The following ARFGEF3 variants were observed in gnomAD, a reference collection of about 807,000 sequenced individuals.
ARFGEF3 encodes brefeldin A-inhibited guanine nucleotide-exchange protein 3.
A neutral mutation model predicts 221.7 loss-of-function variants in ARFGEF3; 96 were observed. The ratio of observed to expected loss-of-function variants is 0.43; its 90% CI spans 0.37 to 0.51. The LOEUF (loss-of-function observed/expected upper bound fraction) is 0.51, where lower values mean the gene tolerates loss of function less well. ARFGEF3 is among the 20% of genes least tolerant of loss of function. The pLI, the probability that ARFGEF3 is intolerant of heterozygous loss-of-function variation, is 0.00. For synonymous variants in ARFGEF3, 1,145 were observed against 1,126.8 expected, an observed-to-expected ratio of 1.02 and a Z score of -0.32; for missense variants, 2,410 against 2,789.9, an observed-to-expected ratio of 0.86 and a Z score of 3.07.
At chr6:138,195,154 C>T (rs540073726) in intron 2 of ARFGEF3, among the ~76,000 whole-genome samples, 23 of 151,668 alleles carry the variant, frequency 1.5e-4, no homozygotes, top group African/African-American at 5.6e-4. Flanking sequence ...AGGTGCACAC[C>T]ACCACATGCA....
chr6:138,166,109 A>C (rs139964096), intron 1 of ARFGEF3, among the ~76,000 whole-genome samples: 4 of 152,352 alleles, frequency 2.6e-5, no homozygotes, highest in African/African-American at 7.2e-5. Context: ...ACATGTCAGC[A>C]GAGTAGTGAG....
At chr6:138,261,732 A>G in intron 11 of ARFGEF3, 93 bp downstream of exon 11, 1 of 567,154 alleles carries the variant, frequency 1.8e-6, no homozygotes, top group Non-Finnish European at 2.9e-6. Context: ...AAAAAATTCT[A>G]CATTATATGA....
At chr6:138,192,950 A>G (rs1777337268) in intron 2 of ARFGEF3, among the ~76,000 whole-genome samples, 1 of 152,104 alleles carries the variant, frequency 6.6e-6, no homozygotes, top group African/African-American at 2.4e-5. Flanking sequence ...TCCATTTGCT[A>G]CATTGTAGCC....
Position 138,291,988 on chromosome 6 carries a change from CG to C in ARFGEF3, c.3306del (p.Ser1103AlafsTer3). On this transcript the variant is annotated frameshift_variant, in exon 19 of 34. Transcript: ENST00000251691. LOFTEE classifies it high-confidence loss of function. This position sits in a 1 kb window ranked among gnomAD's most constrained non-coding sequence, Gnocchi z 4.5. The part of the protein sequence containing the change: ...SRGRASDFRG[G>X]SLMSGSSAAK... ...GGGGTCGGGCCTCCGACTTCCGCGGCGGGAGCCTCATGAGCGGGAGCAGCGC... is the reference window on the plus strand; with the variant it reads ...GGGGTCGGGCCTCCGACTTCCGCGGCGGAGCCTCATGAGCGGGAGCAGCGC... 6.5e-7 allele frequency: 1 copy of C among 1,538,232 alleles called. No homozygotes were observed.
In ARFGEF3 at chr6:138,241,337, C is replaced by T. The variant is rs114614435; in HGVS notation, c.544-1615C>T. Reference sequence around the variant, plus strand: ...GAGATATCTGCATAATTGATTCTTCCGTTACTCCCATTTTTTTCTTCAAAC... The same window carrying T: ...GAGATATCTGCATAATTGATTCTTCTGTTACTCCCATTTTTTTCTTCAAAC... On this transcript the variant is annotated intron_variant, in intron 6 of 33. Transcript: ENST00000251691. Among the ~76,000 whole-genome samples the T allele has an allele frequency of 6.6e-3, 1,012 of 152,262 alleles. 12 individuals carry two copies. Among genetic ancestry groups the T allele is most frequent in the African/African-American group, 0.023 (954 of 41,542 alleles).
At chr6:138,336,257 G>T in intron 33 of ARFGEF3, 38 bp from the exon 34 acceptor site, 2 of 1,452,306 alleles carry the variant, frequency 1.4e-6, no homozygotes, top group South Asian at 1.5e-5. Context: ...TAAAACCAGG[G>T]GGGAAAGCCA....
intron 12 of ARFGEF3, among the ~76,000 whole-genome samples, chr6:138,277,353 G>T (rs1290027831): frequency 6.6e-6 from 1 of 152,134 alleles, no homozygotes; most frequent in Non-Finnish European, 1.5e-5. Context: ...ACCACAATTT[G>T]CTTATCCATT....
chr6:138,296,968 A>G lies in ARFGEF3; in HGVS notation c.3648+13A>G. On this transcript the variant is annotated intron_variant, in intron 21 of 33. Coordinates refer to ENST00000251691, the MANE Select transcript of ARFGEF3 (RefSeq NM_020340.5). ...ACACCTGGTGGAGGTGAGCACTGGG[A>G]AGGTGGGAAGAGGCTGGAACTGCTA... The G allele has an allele frequency of 6.2e-7, 1 of 1,606,588 alleles. No individual in the cohort carries two copies. Among genetic ancestry groups the G allele is most frequent in the Non-Finnish European group, 8.5e-7 (1 of 1,177,176 alleles).
chr6:138,210,000 A>T lies in ARFGEF3; in HGVS notation c.310A>T (p.Thr104Ser). 6.2e-7 allele frequency: 1 copy of T among 1,613,854 alleles called. No homozygotes were observed. The highest frequency in any genetic ancestry group is 8.5e-7 in the Non-Finnish European group (1 of 1,179,800). The change falls in exon 4 of 34, where the codon ACG (threonine) becomes TCG (serine). Residue 104 changes from threonine to serine, a missense_variant. Physicochemically the swap from Thr to Ser is moderately conservative, Grantham distance 58. This residue lies in a region of ARFGEF3 where 570 missense variants were observed against 586.9 expected (regional missense o/e 0.97). Coordinates refer to ENST00000251691, the MANE Select transcript of ARFGEF3 (RefSeq NM_020340.5). ...LNQILNAVKV[T>S]PSLNEDLQVE... ...TCAGATACTGAATGCCGTGAAAGTG[A>T]CGCCTTCGCTCAACGAGGACCTGCA...
intron 2 of ARFGEF3, among the ~76,000 whole-genome samples, chr6:138,188,580 C>T (rs1228263093): frequency 1.3e-5 from 2 of 152,240 alleles, no homozygotes; most frequent in African/African-American, 4.8e-5. Flanking sequence ...TGCAGTAAAG[C>T]AGCCAATTGC....
At chr6:138,281,454 C>G (rs939851959) in intron 14 of ARFGEF3, among the ~76,000 whole-genome samples, 1 of 152,206 alleles carries the variant, frequency 6.6e-6, no homozygotes, top group Non-Finnish European at 1.5e-5. Flanking sequence ...GTTTTCAACC[C>G]TTTACCTTCC....
At chr6:138,243,999 AC>A (rs1778440040) in intron 7 of ARFGEF3, among the ~76,000 whole-genome samples, 1 of 152,108 alleles carries the variant, frequency 6.6e-6, no homozygotes, top group Non-Finnish European at 1.5e-5. Flanking sequence ...TAAAGGCTTC[AC>A]TTTAATGTAG....
intron 10 of ARFGEF3, among the ~76,000 whole-genome samples, chr6:138,256,345 A>G (rs375926211): frequency 6.6e-6 from 1 of 152,198 alleles, no homozygotes; most frequent in Non-Finnish European, 1.5e-5. Flanking sequence ...GGTGCTTCAA[A>G]CAAAGATTCC....
At chr6:138,289,100 T>C (rs1275584231) in intron 17 of ARFGEF3, among the ~76,000 whole-genome samples, 1 of 152,162 alleles carries the variant, frequency 6.6e-6, no homozygotes, top group Non-Finnish European at 1.5e-5. Context: ...ATTACAGGCA[T>C]GTGCCACCAT....
rs562640168 is a variant in ARFGEF3, at chr6:138,255,662, G to C, written c.997G>C (p.Val333Leu). ...CATCGCAGCCGAGCTGGTCCGGCTG[G>C]TGGGGTCTGTGGACTCCATGAAGCC... ...YYIAAELVRL[V>L]GSVDSMKPVL... Residue 333 changes from valine to leucine, a missense_variant, in exon 10 of 34, where the codon GTG becomes CTG. By Grantham distance (32) the Val-to-Leu change is conservative. Transcript: ENST00000251691. 1.2e-6 allele frequency: 2 copies of C among 1,613,720 alleles called. No homozygotes were observed. The highest frequency in any genetic ancestry group is 4.5e-5 in the East Asian group (2 of 44,876).
chr6:138,264,442 A>G (rs1778849646), intron 12 of ARFGEF3, among the ~76,000 whole-genome samples: 1 of 152,218 alleles, frequency 6.6e-6, no homozygotes, highest in Non-Finnish European at 1.5e-5. Context: ...TCCCTCAAGT[A>G]CAAGGGTCTC....
intron 8 of ARFGEF3, among the ~76,000 whole-genome samples, chr6:138,248,897 G>A (rs918503666): frequency 3.9e-5 from 6 of 152,118 alleles, no homozygotes; most frequent in East Asian, 1.9e-4. Context: ...GGCCCAACAC[G>A]GATAGGCTTA....
intron 4 of ARFGEF3, among the ~76,000 whole-genome samples, chr6:138,215,469 G>A (rs961905690): frequency 1.3e-5 from 2 of 152,154 alleles, no homozygotes; most frequent in Admixed American, 6.5e-5. Flanking sequence ...AAGGAGAAAT[G>A]ACAGGGGCTT....
At chr6:138,325,525 A>G (rs1780111598) in intron 31 of ARFGEF3, among the ~76,000 whole-genome samples, 1 of 152,220 alleles carries the variant, frequency 6.6e-6, no homozygotes, top group Admixed American at 6.5e-5. Context: ...GGACAGAAGA[A>G]AGGTTGTAAG....
Sources: allele counts gnomAD v4.1 joint callset (sites outside exome capture counted in the v4.1 genomes callset), GRCh38; gene constraint gnomAD v4.1.1; regional missense constraint gnomAD v4.1.1; non-coding constraint Gnocchi (gnomAD v3.1); transcripts MANE v1.5; gene names NCBI Gene and HGNC (gene_info 2026-07-23, HGNC 2026-07-21).